The following CDIN1 variants were observed in gnomAD, a reference collection of about 807,000 sequenced individuals.
CDIN1 encodes CDAN1-interacting nuclease 1.
A neutral mutation model predicts 45.3 loss-of-function variants in CDIN1; 33 were observed. That is an observed-to-expected ratio of 0.73 (90% CI 0.55 to 0.97). The LOEUF (loss-of-function observed/expected upper bound fraction) is 0.97. Among genes scored for constraint, CDIN1 ranks in the 50% least tolerant of loss-of-function variants. The pLI is 0.00. For missense variants in CDIN1, 303 were observed against 339.4 expected, an observed-to-expected ratio of 0.89 and a Z score of 0.84; for synonymous variants, 118 against 124.4, an observed-to-expected ratio of 0.95 and a Z score of 0.34.
intron 10 of CDIN1, among the ~76,000 whole-genome samples, chr15:36,780,999 C>T (rs888428312): frequency 4.6e-5 from 7 of 152,184 alleles, no homozygotes; most frequent in East Asian, 1.9e-4. Context: ...GGTCCAAGGA[C>T]GCCCCAAAGT....
intron 8 of CDIN1, chr15:36,704,374 TG>T (rs1333022159): frequency 6.6e-6 from 1 of 152,152 alleles, no homozygotes; most frequent in Non-Finnish European, 1.5e-5. Flanking sequence ...CATTTATCGG[TG>T]CTATTGGTCT....
chr15:36,619,269 A>T (rs1276375844), intron 1 of CDIN1: 7 of 1,166,012 alleles, frequency 6.0e-6, no homozygotes, highest in Admixed American at 2.7e-5. Flanking sequence ...CACCAAAGTA[A>T]AAAACAACAA....
intron 1 of CDIN1, among the ~76,000 whole-genome samples, chr15:36,624,001 G>T (rs2039313961): frequency 6.6e-6 from 1 of 152,158 alleles, no homozygotes; most frequent in South Asian, 2.1e-4. Context: ...AAATGAAACA[G>T]TACCTGGTAG....
At chr15:36,690,389 C>T (rs1566903043) in intron 5 of CDIN1, among the ~76,000 whole-genome samples, 1 of 151,978 alleles carries the variant, frequency 6.6e-6, no homozygotes. Context: ...CTGCCTCAGC[C>T]TCCCGAGTAG....
At chr15:36,583,289 G>A (rs906486585) in intron 1 of CDIN1, among the ~76,000 whole-genome samples, 4 of 152,054 alleles carry the variant, frequency 2.6e-5, no homozygotes, top group African/African-American at 7.2e-5. Context: ...CTTTCTGGCT[G>A]AAATTTATTT....
chr15:36,802,808 C>T (rs1470110527), intron 10 of CDIN1, among the ~76,000 whole-genome samples: 4 of 152,296 alleles, frequency 2.6e-5, no homozygotes, highest in South Asian at 2.1e-4. Context: ...GTCCAACATT[C>T]GCAATCTGGA....
At chr15:36,727,477 A>T (rs539255727) in intron 10 of CDIN1, among the ~76,000 whole-genome samples, 2 of 152,286 alleles carry the variant, frequency 1.3e-5, no homozygotes, top group African/African-American at 4.8e-5. Context: ...TTGCTTGTGA[A>T]GGCAGCGAAA....
chr15:36,650,791 G>T (rs1183984816), intron 3 of CDIN1, among the ~76,000 whole-genome samples: 1 of 152,256 alleles, frequency 6.6e-6, no homozygotes, highest in East Asian at 1.9e-4. Flanking sequence ...TGTTAACCAT[G>T]ATGAAATCAT....
chr15:36,601,889 AC>A (rs1405911174), intron 1 of CDIN1, among the ~76,000 whole-genome samples: 1 of 152,204 alleles, frequency 6.6e-6, no homozygotes, highest in African/African-American at 2.4e-5. Flanking sequence ...CATGAACCTG[AC>A]ACGATCATAG....
chr15:36,643,397 T>C (rs2040187890), intron 1 of CDIN1, among the ~76,000 whole-genome samples: 1 of 152,238 alleles, frequency 6.6e-6, no homozygotes, highest in African/African-American at 2.4e-5. Context: ...CACAGTATTT[T>C]GGCATACTAT....
intron 10 of CDIN1, among the ~76,000 whole-genome samples, chr15:36,784,876 C>CT (rs1400968462): frequency 6.6e-6 from 1 of 152,268 alleles, no homozygotes; most frequent in East Asian, 1.9e-4. Flanking sequence ...TTCCTGTAAG[C>CT]TCCACTTGAT....
rs780309967 is a variant in CDIN1 at position 36,579,859 on chromosome 15, A to G, written c.-2A>G. On this transcript the variant is annotated 5_prime_UTR_variant, in exon 1 of 11. Transcript: ENST00000566621. The stretch of plus-strand genomic sequence containing the variant: ...CCGCCACCTCCTGGTCCCTGGCCCA[A>G]CATGATACTGACCAAAGCTCAGTAC... 1.2e-6 allele frequency: 2 copies of G among 1,613,140 alleles called. No individual in the cohort carries two copies. The highest frequency in any genetic ancestry group is 1.7e-5 in the Admixed American group (1 of 59,930).
At chr15:36,675,092 T>C (rs2041599521) in intron 5 of CDIN1, among the ~76,000 whole-genome samples, 2 of 152,250 alleles carry the variant, frequency 1.3e-5, no homozygotes, top group African/African-American at 2.4e-5. Flanking sequence ...ACTGCAGCTG[T>C]ATGTGATAAT....
At chr15:36,773,962 C>T (rs1209512567) in intron 10 of CDIN1, among the ~76,000 whole-genome samples, 1 of 152,228 alleles carries the variant, frequency 6.6e-6, no homozygotes, top group African/African-American at 2.4e-5. Context: ...ACACCAGAAG[C>T]ATAGTTTGGC....
At chr15:36,692,009 CT>C in intron 6 of CDIN1, 116 bp from the exon 7 acceptor site, 8 of 590,408 alleles carry the variant, frequency 1.4e-5, no homozygotes, top group East Asian at 5.4e-5. Flanking sequence ...TGATAGCTTT[CT>C]TTTTTTGGGG....
intron 1 of CDIN1, among the ~76,000 whole-genome samples, chr15:36,585,828 A>C: frequency 6.6e-6 from 1 of 152,226 alleles, no homozygotes; most frequent in African/African-American, 2.4e-5. Context: ...GACAAGAAGA[A>C]AAATTGGAAG....
intron 5 of CDIN1, among the ~76,000 whole-genome samples, chr15:36,680,386 T>C (rs2140611798): frequency 6.6e-6 from 1 of 152,308 alleles, no homozygotes; most frequent in East Asian, 1.9e-4. Context: ...CCTGAACTTA[T>C]TACTAAAGGG....
intron 10 of CDIN1, among the ~76,000 whole-genome samples, chr15:36,720,064 TTG>T (rs1359287835): frequency 2.8e-4 from 16 of 57,708 alleles, no homozygotes; most frequent in Admixed American, 2.2e-4. Context: ...ATTTTTTTAT[TTG>T]TTTTTTTATT....
intron 10 of CDIN1, among the ~76,000 whole-genome samples, chr15:36,772,267 T>A (rs1376423154): frequency 6.6e-6 from 1 of 152,176 alleles, no homozygotes; most frequent in Admixed American, 6.5e-5. Context: ...CATGTAAAGT[T>A]AGTTGAAGGC....
Sources: allele counts gnomAD v4.1 joint callset (sites outside exome capture counted in the v4.1 genomes callset), GRCh38; gene constraint gnomAD v4.1.1; transcripts MANE v1.5; gene names NCBI Gene and HGNC (gene_info 2026-07-23, HGNC 2026-07-21).